Variants in PRH1 observed in about 807,000 individuals in gnomAD.
PRH1 encodes the protein salivary acidic proline-rich phosphoprotein 1/2.
In PRH1, 7 loss-of-function variants were observed where a neutral mutation model predicts 7.9. The ratio of observed to expected loss-of-function variants is 0.89; its 90% confidence interval spans 0.50 to 1.67. The LOEUF is 1.67. PRH1 is among the 40% of genes most tolerant of loss of function. The probability of loss-of-function intolerance (pLI) is 0.00; values close to 1 mark genes in which losing one functional copy is unlikely to be tolerated. For synonymous variants in PRH1, 45 were observed against 80.8 expected (o/e 0.56, Z 2.38); for missense variants, 109 against 223.6 (o/e 0.49, Z 3.27).
intron 2 of PRH1, among the ~76,000 whole-genome samples, chr12:10,935,094 A>G (rs1950267955): frequency 1.3e-5 from 2 of 152,160 alleles, no homozygotes; most frequent in South Asian, 4.1e-4. Context: ...ATGAATCCAG[A>G]GGAGCCATAA....
At chr12:10,920,593 A>G (rs1206048063) in intron 2 of PRH1, among the ~76,000 whole-genome samples, 2 of 151,998 alleles carry the variant, frequency 1.3e-5, no homozygotes, top group Non-Finnish European at 2.9e-5. Flanking sequence ...ATTTTAGCCC[A>G]TATATATTGA....
At chr12:11,100,693 T>C (rs1471262857) in intron 1 of PRH1, among the ~76,000 whole-genome samples, 6 of 152,212 alleles carry the variant, frequency 3.9e-5, no homozygotes. Context: ...CACAAATGCT[T>C]TTTCTCATTC....
chr12:10,938,402 C>A (rs1299968288), intron 2 of PRH1: 1 of 1,614,050 alleles, frequency 6.2e-7, no homozygotes, highest in East Asian at 2.2e-5. Context: ...ATAAGCCATT[C>A]CCATCACCTG....
chr12:10,930,718 G>A, intron 2 of PRH1: 5 of 1,613,820 alleles, frequency 3.1e-6, no homozygotes, highest in Non-Finnish European at 4.2e-6. Context: ...ACCTTTGGGA[G>A]GACAGCAATC....
chr12:10,985,136 A>G (rs74062414), intron 1 of PRH1, among the ~76,000 whole-genome samples: 6,079 of 152,092 alleles, frequency 0.04, 411 homozygotes, highest in African/African-American at 0.14. Context: ...TCTTTAACTC[A>G]AAAACTGGAA....
chr12:10,992,533 C>A (rs1371272117), intron 1 of PRH1, among the ~76,000 whole-genome samples: 2 of 152,094 alleles, frequency 1.3e-5, no homozygotes, highest in Non-Finnish European at 2.9e-5. Flanking sequence ...GATCCCCCTG[C>A]CAGAACTTCC....
intron 1 of PRH1, among the ~76,000 whole-genome samples, chr12:11,069,950 CTAGA>C (rs2136203270): frequency 8.3e-6 from 1 of 120,102 alleles, no homozygotes; most frequent in South Asian, 2.2e-4. Flanking sequence ...CAGCCATTTC[CTAGA>C]TAAACAGTAC....
At chr12:11,024,953 A>C (rs12370036) in intron 1 of PRH1, among the ~76,000 whole-genome samples, 34,551 of 151,972 alleles carry the variant, frequency 0.23, 3,986 homozygotes, top group Non-Finnish European at 0.24. Context: ...ATTCAATCCA[A>C]GAAGACACTA....
At chr12:11,092,084 G>A (rs758242131) in intron 1 of PRH1, 2 of 1,506,924 alleles carry the variant, frequency 1.3e-6, no homozygotes, top group Non-Finnish European at 9.1e-7. Flanking sequence ...CGCCAGAGCA[G>A]TGAGAATTTG....
chr12:11,119,842 T>C (rs1229388974), downstream of PRH1, among the ~76,000 whole-genome samples: 1 of 152,210 alleles, frequency 6.6e-6, no homozygotes, highest in Non-Finnish European at 1.5e-5. Context: ...CTAGTTAAGA[T>C]GGAATACTGA....
At chr12:11,050,683 G>A (rs75285008), upstream of PRH1, among the ~76,000 whole-genome samples, 1 of 19,240 alleles carries the variant, frequency 5.2e-5, no homozygotes, top group African/African-American at 7.0e-5. Context: ...TTCTAAGTAC[G>A]CTACACTTTG....
intron 2 of PRH1, among the ~76,000 whole-genome samples, chr12:10,898,005 T>C (rs1002672420): frequency 3.3e-5 from 5 of 152,222 alleles, no homozygotes; most frequent in African/African-American, 1.2e-4. Context: ...ATATGAATGG[T>C]ATCAATATTT....
At chr12:10,986,655 G>C in intron 1 of PRH1, 1 of 1,612,144 alleles carries the variant, frequency 6.2e-7, no homozygotes, top group South Asian at 1.1e-5. Flanking sequence ...ATTCAACACA[G>C]TTAAATACCA....
chr12:11,065,623 AG>A (rs1481811859), intron 1 of PRH1, among the ~76,000 whole-genome samples: 2 of 151,858 alleles, frequency 1.3e-5, no homozygotes, highest in Admixed American at 1.3e-4. Flanking sequence ...TTATTGTTTT[AG>A]GGGTAGAAAT....
chr12:10,958,883 C>T (rs1020541383), intron 2 of PRH1, among the ~76,000 whole-genome samples: 1 of 152,088 alleles, frequency 6.6e-6, no homozygotes, highest in Non-Finnish European at 1.5e-5. Context: ...TAGATGAAAG[C>T]CACTGAAAAA....
intron 2 of PRH1, among the ~76,000 whole-genome samples, chr12:10,968,933 G>A (rs879787783): frequency 1.3e-5 from 2 of 152,206 alleles, no homozygotes; most frequent in Admixed American, 1.3e-4. Flanking sequence ...TTGCCTTTTC[G>A]CTTGAGGCGG....
At chr12:11,132,385 A>C (rs1280794439) in intron 1 of PRH1, among the ~76,000 whole-genome samples, 1 of 152,226 alleles carries the variant, frequency 6.6e-6, no homozygotes, top group Non-Finnish European at 1.5e-5. Context: ...TCTGAAGTTT[A>C]GAAAGAATTT....
chr12:11,003,645 A>T lies in PRH1; in HGVS notation c.-125-29924T>A, dbSNP rs1940696207. Reference sequence around the variant, plus strand: ...GTTATAATTTCTTTTATAAAATGTTATAATTTCTTTGGTAAGGAGTTATAA... The same window carrying T: ...GTTATAATTTCTTTTATAAAATGTTTTAATTTCTTTGGTAAGGAGTTATAA... On this transcript the variant is annotated intron_variant, in intron 1 of 3. Coordinates refer to the PRH1 transcript ENST00000539853. 2.0e-5 allele frequency among the ~76,000 whole-genome samples: 3 copies of T among 152,106 alleles called. No individual in the cohort carries two copies. In the South Asian group the frequency reaches 6.2e-4, roughly 31 times the overall value.
intron 1 of PRH1, among the ~76,000 whole-genome samples, chr12:11,024,594 A>C (rs1182168044): frequency 6.6e-6 from 1 of 152,204 alleles, no homozygotes; most frequent in African/African-American, 2.4e-5. Flanking sequence ...CCAAAATTTA[A>C]CCCCATCATT....
Sources: allele counts gnomAD v4.1 joint callset (sites outside exome capture counted in the v4.1 genomes callset), GRCh38; gene constraint gnomAD v4.1.1; transcripts MANE v1.5; gene names NCBI Gene and HGNC (gene_info 2026-07-23, HGNC 2026-07-21).